The following CRISPLD2 variants were observed in gnomAD, a reference collection of about 807,000 sequenced individuals.
CRISPLD2 encodes the protein cysteine-rich secretory protein LCCL domain-containing 2.
Under a neutral mutation model 71.1 loss-of-function variants are expected in CRISPLD2, and 47 were observed. The ratio of observed to expected loss-of-function variants is 0.66; its 90% CI spans 0.52 to 0.84. The LOEUF (loss-of-function observed/expected upper bound fraction) is 0.84. Among genes scored for constraint, CRISPLD2 ranks in the 40% least tolerant of loss-of-function variants. CRISPLD2 has a pLI of 0.00. For missense variants in CRISPLD2, 830 were observed against 651.1 expected, an observed-to-expected ratio of 1.27 and a Z score of -2.99; for synonymous variants, 317 against 250.1, an observed-to-expected ratio of 1.27 and a Z score of -2.52.
intron 14 of CRISPLD2, among the ~76,000 whole-genome samples, chr16:84,893,001 C>A (rs959319463): frequency 3.5e-5 from 5 of 142,158 alleles, no homozygotes; most frequent in Non-Finnish European, 7.6e-5. Flanking sequence ...AAAAAAAAGT[C>A]ACTCATTCAC....
At chr16:84,883,220 C>G (rs573659561) in intron 13 of CRISPLD2, among the ~76,000 whole-genome samples, 5 of 152,340 alleles carry the variant, frequency 3.3e-5, no homozygotes, top group African/African-American at 1.2e-4. Context: ...TTCTAGGTCA[C>G]TGTATTCTGG....
chr16:84,872,421 A>G (rs777301231), intron 8 of CRISPLD2, 21 bp from the exon 9 acceptor site: 16 of 1,608,370 alleles, frequency 9.9e-6, no homozygotes, highest in Admixed American at 1.7e-5. Flanking sequence ...TCTGAACATC[A>G]TTTTATTTCT....
At chr16:84,833,339 T>C (rs1916533389) in intron 1 of CRISPLD2, among the ~76,000 whole-genome samples, 1 of 152,230 alleles carries the variant, frequency 6.6e-6, no homozygotes, top group Admixed American at 6.5e-5. Context: ...GCCGTTATCT[T>C]ACTTGTGGTC....
At position 84,889,307 on chromosome 16, in the gene CRISPLD2, C is replaced by G; in HGVS notation, c.1383C>G (p.Pro461=). 2 of 1,613,976 alleles carry G rather than the reference C, an allele frequency of 1.2e-6. No homozygotes were observed. Among genetic ancestry groups the G allele is most frequent in the Non-Finnish European group, 1.7e-6 (2 of 1,179,974 alleles). The stretch of plus-strand genomic sequence containing the variant: ...GTGGGGGTGACGTGGACGTGATGCC[C>G]GTGGATAAAAAGAAGACCTACGTGG... The part of the protein sequence containing the change: ...NESGGDVDVM[P]VDKKKTYVGS... The change falls in exon 14 of 15, where the codon CCC becomes CCG. Residue 461 remains proline, a synonymous_variant. Coordinates refer to ENST00000262424, the MANE Select transcript of CRISPLD2 (RefSeq NM_031476.4).
chr16:84,896,913 C>T (rs530803625), intron 14 of CRISPLD2, among the ~76,000 whole-genome samples: 81 of 152,362 alleles, frequency 5.3e-4, no homozygotes, highest in African/African-American at 1.9e-3. Flanking sequence ...CTCCACAGGG[C>T]AGCTTCCCTG....
At chr16:84,886,510 C>G (rs1308774641) in intron 13 of CRISPLD2, among the ~76,000 whole-genome samples, 1 of 152,032 alleles carries the variant, frequency 6.6e-6, no homozygotes, top group Non-Finnish European at 1.5e-5. Context: ...CCCCACTCCC[C>G]TCTCTGTTGT....
intron 1 of CRISPLD2, among the ~76,000 whole-genome samples, chr16:84,831,078 G>C (rs887164039): frequency 7.2e-5 from 11 of 152,214 alleles, no homozygotes; most frequent in African/African-American, 2.7e-4. Context: ...GAGGGAGGCT[G>C]AGAGTCAGAG....
intron 3 of CRISPLD2, 120 bp from the exon 4 acceptor site, chr16:84,849,265 G>T: frequency 1.0e-6 from 1 of 986,296 alleles, no homozygotes; most frequent in Non-Finnish European, 1.5e-6. Context: ...GCTGCTCCTG[G>T]AATTGGCCGC....
At chr16:84,851,701 C>T (rs974946029) in intron 5 of CRISPLD2, among the ~76,000 whole-genome samples, 2 of 152,192 alleles carry the variant, frequency 1.3e-5, no homozygotes, top group African/African-American at 4.8e-5. Flanking sequence ...GCAAGAGCAG[C>T]AGACTGGTCC....
At chr16:84,868,984 C>T in intron 8 of CRISPLD2, 73 bp downstream of exon 8, 1 of 1,330,688 alleles carries the variant, frequency 7.5e-7, no homozygotes, top group Non-Finnish European at 1.0e-6. Context: ...ACTGTGGCCT[C>T]TGGGCCTATG....
chr16:84,824,195 G>T lies in CRISPLD2; in HGVS notation c.-75+4062G>T, dbSNP rs961844114. Among the ~76,000 whole-genome samples, 171 of 152,274 alleles carry T rather than the reference G, an allele frequency of 1.1e-3. 5 individuals are homozygous for T. Among genetic ancestry groups the T allele is most frequent in the Admixed American group, 0.011 (171 of 15,282 alleles). The stretch of plus-strand genomic sequence containing the variant: ...TGCAAAGGCCTGCAGGTGGAGAAGG[G>T]CCTGGGACTCTTGGAGAATGGCAGG... On this transcript the variant is annotated intron_variant, in intron 1 of 14. Transcript: ENST00000262424.
At chr16:84,901,801 T>C (rs1343664516) in intron 14 of CRISPLD2, among the ~76,000 whole-genome samples, 1 of 139,514 alleles carries the variant, frequency 7.2e-6, no homozygotes, top group Non-Finnish European at 1.5e-5. Flanking sequence ...TTTTTTTTTT[T>C]TTTTTTTTTT....
chr16:84,838,339 T>G, intron 1 of CRISPLD2, 83 bp from the exon 2 acceptor site: 2 of 811,810 alleles, frequency 2.5e-6, no homozygotes, highest in Non-Finnish European at 2.0e-6. Context: ...GAGAGTCGTG[T>G]GTGCTGCGTT....
At chr16:84,849,000 A>AC (rs1555560650) in intron 3 of CRISPLD2, among the ~76,000 whole-genome samples, 1 of 151,566 alleles carries the variant, frequency 6.6e-6, no homozygotes, top group Non-Finnish European at 1.5e-5. Context: ...AAAAAAAAAA[A>AC]AAAGAAAGGA....
chr16:84,865,130 A>G (rs1459819246), intron 6 of CRISPLD2, among the ~76,000 whole-genome samples: 1 of 151,504 alleles, frequency 6.6e-6, no homozygotes, highest in African/African-American at 2.4e-5. Context: ...AGACTTAGGG[A>G]TTGAGGAACA....
rs1232616864 is a variant in CRISPLD2 at position 84,907,565 on chromosome 16, C to T, written c.*923C>T. On this transcript the variant is annotated 3_prime_UTR_variant, in exon 15 of 15. Transcript: ENST00000262424. Reference sequence around the variant, plus strand: ...AAGCCCAAGTCTTAACTCCTGGTCTCGTAAGGTTCCACTGAGACGAGATGT... The same window carrying T: ...AAGCCCAAGTCTTAACTCCTGGTCTTGTAAGGTTCCACTGAGACGAGATGT... The T allele has an allele frequency of 6.6e-6, 1 of 152,234 alleles. No homozygotes were observed. The highest frequency in any genetic ancestry group is 2.4e-5 in the African/African-American group (1 of 41,452). 9.4% of individuals were successfully genotyped at this position (152,234 alleles called of 1,614,324 possible).
At position 84,829,717 on chromosome 16, in the gene CRISPLD2, C is replaced by A. The variant is rs561064564; in HGVS notation, c.-74-8705C>A. ...AGTGACCAGGGCGTAGTGAATGAAT[C>A]GACATTGTCCTCAGGCCTTATGTGT... is the stretch of plus-strand genomic sequence containing the variant. On this transcript the variant is annotated intron_variant, in intron 1 of 14. Transcript: ENST00000262424. Among the ~76,000 whole-genome samples the A allele has an allele frequency of 2.0e-5, 3 of 152,316 alleles. No individual in the cohort carries two copies. In the South Asian group the frequency reaches 6.2e-4, roughly 32 times the overall value.
intron 10 of CRISPLD2, 76 bp downstream of exon 10, chr16:84,873,198 C>T (rs2071487240): frequency 1.3e-6 from 2 of 1,541,264 alleles, no homozygotes; most frequent in Non-Finnish European, 1.8e-6. Flanking sequence ...TTGAAAAATA[C>T]CACACAGGCC....
intron 11 of CRISPLD2, among the ~76,000 whole-genome samples, chr16:84,877,131 C>G (rs531693379): frequency 9.2e-5 from 14 of 152,306 alleles, no homozygotes; most frequent in African/African-American, 2.6e-4. Flanking sequence ...CAAAGGTGAT[C>G]AAGTCAGGAA....
Sources: allele counts gnomAD v4.1 joint callset (sites outside exome capture counted in the v4.1 genomes callset), GRCh38; gene constraint gnomAD v4.1.1; transcripts MANE v1.5; gene names NCBI Gene and HGNC (gene_info 2026-07-23, HGNC 2026-07-21).